The following UNC5C variants were observed in gnomAD, a reference collection of about 807,000 sequenced individuals.
UNC5C encodes the protein unc-5 netrin receptor C.
UNC5C carries 47 observed loss-of-function variants against 99.8 expected under a neutral mutation model. The observed-to-expected ratio is 0.47, with a 90% CI of 0.37 to 0.60. The LOEUF is 0.60. Among genes scored for constraint, UNC5C ranks in the 20% least tolerant of loss-of-function variants. The pLI, the probability that UNC5C is intolerant of heterozygous loss-of-function variation, is 0.00. For missense variants in UNC5C, 1,062 were observed against 1,165.9 expected (o/e 0.91, Z 1.30); for synonymous variants, 487 against 452.2 (o/e 1.08, Z -0.98).
intron 14 of UNC5C, among the ~76,000 whole-genome samples, chr4:95,176,310 A>G (rs1736340510): frequency 6.6e-6 from 1 of 152,004 alleles, no homozygotes; most frequent in Admixed American, 6.6e-5. Context: ...TTGGAGGAGG[A>G]GAGGCGCTCT....
chr4:95,335,284 T>G, intron 2 of UNC5C, 126 bp downstream of exon 2: 1 of 916,382 alleles, frequency 1.1e-6, no homozygotes, highest in Non-Finnish European at 1.6e-6. Flanking sequence ...CCAAACCAAT[T>G]CAAAACTTTT....
At chr4:95,296,967 C>T (rs1044267649) in intron 3 of UNC5C, among the ~76,000 whole-genome samples, 3 of 152,190 alleles carry the variant, frequency 2.0e-5, no homozygotes, top group East Asian at 1.9e-4. Context: ...GTGAAAGTCT[C>T]AGCTTCTCTC....
At chr4:95,348,786 T>TA (rs936478483) in intron 1 of UNC5C, among the ~76,000 whole-genome samples, 8 of 151,210 alleles carry the variant, frequency 5.3e-5, no homozygotes, top group Non-Finnish European at 1.2e-4. Flanking sequence ...TATTTAGTTA[T>TA]AAAAAAAGAC....
At chr4:95,417,631 C>T (rs1296155765) in intron 1 of UNC5C, among the ~76,000 whole-genome samples, 2 of 152,218 alleles carry the variant, frequency 1.3e-5, no homozygotes, top group South Asian at 2.1e-4. Flanking sequence ...AGTTGTATTT[C>T]CTTATGCATA....
At chr4:95,240,604 C>T (rs185463647) in intron 7 of UNC5C, among the ~76,000 whole-genome samples, 10 of 151,802 alleles carry the variant, frequency 6.6e-5, no homozygotes, top group South Asian at 2.1e-4. Context: ...AAACAAGAGA[C>T]GTGATAAAAA....
At chr4:95,257,774 T>C (rs1308875693) in intron 4 of UNC5C, among the ~76,000 whole-genome samples, 3 of 152,208 alleles carry the variant, frequency 2.0e-5, no homozygotes. Context: ...AAAATAACCC[T>C]GAGGACTTCT....
At chr4:95,169,630 A>T (rs570995784) in intron 15 of UNC5C, among the ~76,000 whole-genome samples, 1 of 152,160 alleles carries the variant, frequency 6.6e-6, no homozygotes, top group Non-Finnish European at 1.5e-5. Flanking sequence ...AAGAGACAAG[A>T]TGTCTATGGG....
At chr4:95,284,168 T>C (rs568079055) in intron 3 of UNC5C, among the ~76,000 whole-genome samples, 1 of 152,324 alleles carries the variant, frequency 6.6e-6, no homozygotes, top group Non-Finnish European at 1.5e-5. Flanking sequence ...TTAGCTGTGA[T>C]GCAGAATACA....
intron 1 of UNC5C, among the ~76,000 whole-genome samples, chr4:95,356,706 G>A (rs1560802122): frequency 6.6e-6 from 1 of 152,250 alleles, no homozygotes; most frequent in East Asian, 1.9e-4. Flanking sequence ...AGAGGCCTGG[G>A]TAACAAGGCA....
At chr4:95,527,217 G>C (rs561733132) in intron 1 of UNC5C, among the ~76,000 whole-genome samples, 159 of 151,756 alleles carry the variant, frequency 1.0e-3, no homozygotes, top group African/African-American at 3.7e-3. Flanking sequence ...CAATATATTA[G>C]TAACAACAAA....
At chr4:95,387,141 CTTT>C (rs1019952688) in intron 1 of UNC5C, among the ~76,000 whole-genome samples, 12 of 152,092 alleles carry the variant, frequency 7.9e-5, no homozygotes, top group African/African-American at 2.7e-4. Flanking sequence ...CTCTCTCTCT[CTTT>C]TTATTTTTTT....
chr4:95,235,294 CATAA>C (rs1364741899), intron 7 of UNC5C, among the ~76,000 whole-genome samples: 2 of 152,124 alleles, frequency 1.3e-5, no homozygotes, highest in Non-Finnish European at 2.9e-5. Context: ...GAATACTAAG[CATAA>C]ATAATGTATA....
Position 95,409,455 on chromosome 4 carries a change from T to A in UNC5C, c.125-73824A>T, listed in dbSNP as rs115088519. On this transcript the variant is annotated intron_variant, in intron 1 of 15. Coordinates refer to ENST00000453304, the MANE Select transcript of UNC5C (RefSeq NM_003728.4). ...ATCTTCAGAAGGAATCAAGAATATA[T>A]CCTACACATATGTATAACTCTATTT... Among the ~76,000 whole-genome samples the A allele has an allele frequency of 4.7e-3, 713 of 152,324 alleles. 5 individuals carry two copies. The highest frequency in any genetic ancestry group is 0.017 in the African/African-American group (688 of 41,576).
chr4:95,526,202 G>A (rs1015121623), intron 1 of UNC5C, among the ~76,000 whole-genome samples: 5 of 152,058 alleles, frequency 3.3e-5, no homozygotes, highest in African/African-American at 4.8e-5. Flanking sequence ...CAGTGTCCTG[G>A]TAGGGTGATT....
At chr4:95,227,972 T>G (rs1460246264) in intron 7 of UNC5C, among the ~76,000 whole-genome samples, 1 of 152,204 alleles carries the variant, frequency 6.6e-6, no homozygotes, top group Non-Finnish European at 1.5e-5. Flanking sequence ...TTGCCCGAAC[T>G]TTTTAGTGAT....
chr4:95,169,229 G>GGAA lies in UNC5C; in HGVS notation c.*4_*5insTTC, dbSNP rs1560709835. 5 of 1,613,244 alleles carry GGAA rather than the reference G, an allele frequency of 3.1e-6. No individual in the cohort carries two copies. Among genetic ancestry groups the GGAA allele is most frequent in the Non-Finnish European group, 4.2e-6 (5 of 1,179,524 alleles). On this transcript the variant is annotated 3_prime_UTR_variant, in exon 16 of 16. Coordinates refer to ENST00000453304, the MANE Select transcript of UNC5C (RefSeq NM_003728.4). ...TGTCCTTCATTTCCCCTTCCAGCAT[G>GGAA]GTGGTTAATACTGCCCTTCTGCTGC...
At chr4:95,371,881 AATTT>A (rs1446670934) in intron 1 of UNC5C, among the ~76,000 whole-genome samples, 2 of 152,160 alleles carry the variant, frequency 1.3e-5, no homozygotes, top group Non-Finnish European at 2.9e-5. Context: ...TAACTTTGGC[AATTT>A]ATTTATAAAA....
intron 1 of UNC5C, among the ~76,000 whole-genome samples, chr4:95,349,920 T>C (rs1411786044): frequency 2.0e-5 from 3 of 152,174 alleles, no homozygotes; most frequent in Non-Finnish European, 4.4e-5. Flanking sequence ...GATCACTTTC[T>C]ATTTGCTGAG....
rs1409911924 is a variant in UNC5C, at chr4:95,182,838, ACT to A, written c.2451+57_2451+58del. ...GTTGAGATACCCTTTTAGCCCACAC[ACT>A]CTGTCTTCCTGAGTGTCGCACTCTC... On this transcript the variant is annotated intron_variant, in intron 14 of 15. Coordinates refer to ENST00000453304, the MANE Select transcript of UNC5C (RefSeq NM_003728.4). The A allele has an allele frequency of 2.5e-5, 39 of 1,552,474 alleles. No homozygotes were observed. The Admixed American group carries it at 5.6e-4, about 22-fold the overall frequency.
Sources: gnomAD v4.1 joint callset for allele counts (sites outside exome capture counted in the v4.1 genomes callset) on GRCh38, gnomAD v4.1.1 for gene constraint, MANE v1.5 for transcripts, NCBI Gene and HGNC (gene_info 2026-07-23, HGNC 2026-07-21) for gene names.